EEIG1: variants seen among roughly 807,000 people sequenced by gnomAD.
The protein encoded by EEIG1 is early estrogen-induced gene 1 protein.
At chr9:127,964,899 C>T in the EEIG1 span, among the ~76,000 whole-genome samples, 4 of 151,916 alleles carry the variant, frequency 2.6e-5, no homozygotes, top group Non-Finnish European at 5.9e-5. Flanking sequence ...GTCAGGAGTT[C>T]GGGACCAGCC....
At chr9:127,945,485 C>T in the EEIG1 span, 34 of 1,567,140 alleles carry the variant, frequency 2.2e-5, no homozygotes, top group Non-Finnish European at 2.9e-5. The surrounding 1 kb of genome is among the most constrained non-coding windows in gnomAD (Gnocchi z 6.5). Flanking sequence ...CCCCCAGAGG[C>T]GCTGCTGCTG....
the EEIG1 span, among the ~76,000 whole-genome samples, chr9:127,970,871 G>A: frequency 6.6e-6 from 1 of 152,012 alleles, no homozygotes; most frequent in Non-Finnish European, 1.5e-5. Context: ...CCCCAGAACC[G>A]AGCCCAGCAT....
At chr9:127,950,851 T>C in the EEIG1 span, 1 of 383,932 alleles carries the variant, frequency 2.6e-6, no homozygotes, top group East Asian at 9.2e-5. Flanking sequence ...CACAGATGCA[T>C]TGTTCCCTGG....
chr9:127,971,732 G>A, the EEIG1 span, among the ~76,000 whole-genome samples: 1 of 152,204 alleles, frequency 6.6e-6, no homozygotes, highest in African/African-American at 2.4e-5. Context: ...ACAGTCTGCG[G>A]AATGAGCTAG....
At chr9:127,945,142 C>A in the EEIG1 span, among the ~76,000 whole-genome samples, 3 of 152,236 alleles carry the variant, frequency 2.0e-5, no homozygotes, top group African/African-American at 7.2e-5. This position sits in a 1 kb window ranked among gnomAD's most constrained non-coding sequence, Gnocchi z 6.5. Context: ...CCTAGCAGAT[C>A]GTGCTCTTGT....
At chr9:127,956,047 C>T in the EEIG1 span, among the ~76,000 whole-genome samples, 1 of 152,226 alleles carries the variant, frequency 6.6e-6, no homozygotes, top group Non-Finnish European at 1.5e-5. Flanking sequence ...GCAACCAAGA[C>T]TGGGGACAAG....
the EEIG1 span, chr9:127,943,401 C>T: frequency 1.5e-6 from 1 of 657,460 alleles, no homozygotes; most frequent in South Asian, 1.7e-5. Context: ...CCCTTGCCCA[C>T]AGTGACACAG....
the EEIG1 span, among the ~76,000 whole-genome samples, chr9:127,974,292 G>A: frequency 6.6e-5 from 10 of 152,130 alleles, no homozygotes; most frequent in East Asian, 1.9e-4. Context: ...ACCAGGCCAC[G>A]TGGCTCCACT....
chr9:127,941,625 G>A, the EEIG1 span: 5 of 152,212 alleles, frequency 3.3e-5, no homozygotes, highest in Admixed American at 3.3e-4. Flanking sequence ...GGAGTTCCAA[G>A]ACCAAGAAGC....
the EEIG1 span, among the ~76,000 whole-genome samples, chr9:127,946,941 C>T: frequency 1.3e-5 from 2 of 152,182 alleles, no homozygotes; most frequent in East Asian, 1.9e-4. Context: ...GTCCAAGGCT[C>T]ATACCTCTGG....
chr9:127,977,132 A>C, the EEIG1 span, among the ~76,000 whole-genome samples: 2 of 152,196 alleles, frequency 1.3e-5, no homozygotes, highest in African/African-American at 4.8e-5. Context: ...GTCTCCAGCC[A>C]CACCTACCCA....
chr9:127,979,929 G>GC, the EEIG1 span: 1 of 1,547,134 alleles, frequency 6.5e-7, no homozygotes, highest in Non-Finnish European at 8.7e-7. Context: ...TTCCACACTT[G>GC]CCAAGTGTCT....
At chr9:127,943,057 TG>T in the EEIG1 span, 1 of 774,092 alleles carries the variant, frequency 1.3e-6, no homozygotes, top group Non-Finnish European at 2.3e-6. Context: ...ACGGGGAGTG[TG>T]GACTGGAGTG....
the EEIG1 span, among the ~76,000 whole-genome samples, chr9:127,974,671 G>A: frequency 6.6e-6 from 1 of 152,326 alleles, no homozygotes; most frequent in East Asian, 1.9e-4. Context: ...GGGATCCAGT[G>A]GGATGCAGAA....
chr9:127,980,965 T>C, the EEIG1 span, among the ~76,000 whole-genome samples: 1 of 149,292 alleles, frequency 6.7e-6, no homozygotes, highest in East Asian at 2.0e-4. Context: ...CAGAGCCCGA[T>C]GCTGCGAGGC....
At chr9:127,969,658 C>G in the EEIG1 span, among the ~76,000 whole-genome samples, 1 of 152,052 alleles carries the variant, frequency 6.6e-6, no homozygotes, top group Non-Finnish European at 1.5e-5. Context: ...CCCAGCAGGC[C>G]CTGCTGGAGT....
At chr9:127,964,110 A>C in the EEIG1 span, among the ~76,000 whole-genome samples, 1 of 152,136 alleles carries the variant, frequency 6.6e-6, no homozygotes, top group Non-Finnish European at 1.5e-5. Flanking sequence ...GGGGTGGATG[A>C]GGCTGGTGAC....
the EEIG1 span, among the ~76,000 whole-genome samples, chr9:127,969,506 A>T: frequency 6.6e-6 from 1 of 152,170 alleles, no homozygotes; most frequent in Admixed American, 6.5e-5. Context: ...TGGGCACATA[A>T]TAGGCATTAA....
At chr9:127,979,862 C>A in the EEIG1 span, 36 of 1,176,656 alleles carry the variant, frequency 3.1e-5, no homozygotes, top group Non-Finnish European at 3.8e-5. Flanking sequence ...CCTTGTGCAA[C>A]CTGCCCCAGG....
Sources: gnomAD v4.1 joint callset for allele counts (sites outside exome capture counted in the v4.1 genomes callset) on GRCh38, gnomAD v4.1.1 for gene constraint, Gnocchi (gnomAD v3.1) non-coding constraint, MANE v1.5 for transcripts, NCBI Gene and HGNC (gene_info 2026-07-23, HGNC 2026-07-21) for gene names.